MYRIP: variants seen among roughly 807,000 people sequenced by gnomAD.
The protein encoded by MYRIP is rab effector MyRIP.
MYRIP carries 49 observed loss-of-function variants against 98.0 expected under a neutral mutation model. That is an observed-to-expected ratio of 0.50 (90% CI 0.40 to 0.63). The LOEUF is 0.63. MYRIP is among the 30% of genes least tolerant of loss of function. The pLI is 0.00. For missense variants in MYRIP, 1,004 were observed against 1,058.2 expected (o/e 0.95, Z 0.71); for synonymous variants, 404 against 409.5 (o/e 0.99, Z 0.16).
intron 1 of MYRIP, among the ~76,000 whole-genome samples, chr3:39,844,700 G>A (rs78765568): frequency 0.013 from 1,949 of 152,302 alleles, 48 homozygotes; most frequent in African/African-American, 0.044. Flanking sequence ...GGGCCTTGTA[G>A]CAAGCATGAG....
At chr3:40,130,836 C>CTCTTCCTATAT (rs1949623018) in intron 3 of MYRIP, among the ~76,000 whole-genome samples, 1 of 152,204 alleles carries the variant, frequency 6.6e-6, no homozygotes, top group African/African-American at 2.4e-5. Flanking sequence ...TCTGCCTTCC[C>CTCTTCCTATAT]TCCAAACCTG....
At chr3:40,047,224 A>G (rs1216486815) in intron 3 of MYRIP, among the ~76,000 whole-genome samples, 1 of 152,214 alleles carries the variant, frequency 6.6e-6, no homozygotes, top group Admixed American at 6.5e-5. Flanking sequence ...TGCCAAGACT[A>G]TATTTTAAAT....
intron 12 of MYRIP, among the ~76,000 whole-genome samples, chr3:40,243,433 T>C (rs1692392000): frequency 6.6e-6 from 1 of 151,040 alleles, no homozygotes; most frequent in Admixed American, 6.6e-5. Flanking sequence ...ATGACTAGTG[T>C]ACCTGAGCTC....
intron 2 of MYRIP, among the ~76,000 whole-genome samples, chr3:39,977,887 G>A (rs1054510882): frequency 2.6e-5 from 4 of 152,064 alleles, no homozygotes; most frequent in African/African-American, 4.8e-5. Flanking sequence ...GCTTTCCCCC[G>A]CTTTGGGTTT....
chr3:40,048,734 A>G (rs1223096909), intron 3 of MYRIP, among the ~76,000 whole-genome samples: 1 of 152,148 alleles, frequency 6.6e-6, no homozygotes, highest in Admixed American at 6.6e-5. Flanking sequence ...GTTCTTTGTT[A>G]GTAATTTTGC....
chr3:39,812,826 C>T (rs1940743131), intron 1 of MYRIP, among the ~76,000 whole-genome samples: 1 of 152,214 alleles, frequency 6.6e-6, no homozygotes, highest in Admixed American at 6.5e-5. Flanking sequence ...TCCAACAATC[C>T]AACAACTCAG....
intron 1 of MYRIP, among the ~76,000 whole-genome samples, chr3:39,893,989 A>G (rs1240073532): frequency 6.6e-6 from 1 of 152,148 alleles, no homozygotes; most frequent in Non-Finnish European, 1.5e-5. Context: ...TATTCAAATA[A>G]TGTTTATTTT....
intron 2 of MYRIP, among the ~76,000 whole-genome samples, chr3:39,904,350 C>T (rs1943824784): frequency 6.6e-6 from 1 of 152,124 alleles, no homozygotes; most frequent in Non-Finnish European, 1.5e-5. Flanking sequence ...ATTCTCCTGC[C>T]TCGACCTCTT....
intron 3 of MYRIP, among the ~76,000 whole-genome samples, chr3:40,090,119 C>T (rs1328428944): frequency 6.6e-6 from 1 of 151,862 alleles, no homozygotes; most frequent in African/African-American, 2.4e-5. Context: ...TCAACATGTT[C>T]AGTTTTATTT....
intron 10 of MYRIP, among the ~76,000 whole-genome samples, chr3:40,196,088 T>A (rs1462426526): frequency 1.3e-5 from 2 of 152,062 alleles, no homozygotes; most frequent in Non-Finnish European, 2.9e-5. Flanking sequence ...TTTATAGATT[T>A]TTTTTCTCTC....
intron 11 of MYRIP, 123 bp downstream of exon 11, chr3:40,210,216 C>A: frequency 1.6e-6 from 2 of 1,250,512 alleles, no homozygotes; most frequent in East Asian, 2.5e-5. Flanking sequence ...ATGCCCATCC[C>A]TGTGCATTTG....
chr3:39,842,221 T>C (rs12639558), intron 1 of MYRIP, among the ~76,000 whole-genome samples: 93,737 of 151,934 alleles, frequency 0.62, 29,110 homozygotes, highest in Middle Eastern at 0.68. Flanking sequence ...GTGGGTTCTG[T>C]ACCCAGTTTG....
intron 1 of MYRIP, among the ~76,000 whole-genome samples, chr3:39,817,981 A>T (rs1185726091): frequency 6.6e-6 from 1 of 152,230 alleles, no homozygotes; most frequent in Non-Finnish European, 1.5e-5. Flanking sequence ...TAAAAATAAA[A>T]TGATACTTTA....
At chr3:40,180,524 G>A (rs912651059) in intron 8 of MYRIP, among the ~76,000 whole-genome samples, 15 of 152,198 alleles carry the variant, frequency 9.9e-5, no homozygotes, top group Non-Finnish European at 1.6e-4. Flanking sequence ...TGGGGAAGGG[G>A]GCAATTGGTA....
intron 3 of MYRIP, among the ~76,000 whole-genome samples, chr3:40,096,979 A>C (rs1378405853): frequency 6.6e-6 from 1 of 152,172 alleles, no homozygotes; most frequent in Non-Finnish European, 1.5e-5. Context: ...TTGCCTGGCT[A>C]TCAGCAGCCC....
At chr3:39,986,552 A>G (rs1221998243) in intron 2 of MYRIP, among the ~76,000 whole-genome samples, 1 of 152,114 alleles carries the variant, frequency 6.6e-6, no homozygotes, top group Non-Finnish European at 1.5e-5. Flanking sequence ...TCTGACACCT[A>G]CTAGCAGTAT....
chr3:39,964,711 G>A (rs1945399694), intron 2 of MYRIP, among the ~76,000 whole-genome samples: 2 of 152,138 alleles, frequency 1.3e-5, no homozygotes, highest in South Asian at 4.1e-4. Flanking sequence ...TCACAAAATT[G>A]TCATGAACCT....
chr3:39,889,949 T>A (rs1164038529), intron 1 of MYRIP, among the ~76,000 whole-genome samples: 1 of 152,168 alleles, frequency 6.6e-6, no homozygotes, highest in African/African-American at 2.4e-5. Context: ...ACTGAATCAA[T>A]AACTTAAAGA....
At chr3:39,912,167 A>G (rs1944037872) in intron 2 of MYRIP, among the ~76,000 whole-genome samples, 1 of 151,690 alleles carries the variant, frequency 6.6e-6, no homozygotes, top group African/African-American at 2.4e-5. Flanking sequence ...CTTCTCCTCT[A>G]TCGGTGGGTG....
Sources: gnomAD v4.1 joint callset for allele counts (sites outside exome capture counted in the v4.1 genomes callset) on GRCh38, gnomAD v4.1.1 for gene constraint, MANE v1.5 for transcripts, NCBI Gene and HGNC (gene_info 2026-07-23, HGNC 2026-07-21) for gene names.